The following CYP19A1 variants were observed in gnomAD, a reference collection of about 807,000 sequenced individuals.
The protein encoded by CYP19A1 is aromatase.
Under a neutral mutation model 44.4 loss-of-function variants are expected in CYP19A1, and 32 were observed. The ratio of observed to expected loss-of-function variants is 0.72; its 90% CI spans 0.54 to 0.97. CYP19A1 has a LOEUF of 0.97. Among genes scored for constraint, CYP19A1 ranks in the 50% least tolerant of loss-of-function variants. CYP19A1 has a pLI of 0.00. For missense variants in CYP19A1, 598 were observed against 637.8 expected (o/e 0.94, Z 0.67); for synonymous variants, 212 against 215.6 (o/e 0.98, Z 0.14).
chr15:51,293,527 C>T (rs2140990478), intron 1 of CYP19A1: 1 of 152,440 alleles, frequency 6.6e-6, no homozygotes, highest in South Asian at 2.1e-4. Flanking sequence ...CAAAGAATGC[C>T]TGATACGCTC....
chr15:51,331,800 G>A (rs1422298235), intron 1 of CYP19A1, among the ~76,000 whole-genome samples: 2 of 152,008 alleles, frequency 1.3e-5, no homozygotes, highest in Admixed American at 1.3e-4. Context: ...ATTTTGCTGG[G>A]TATTAACAGA....
intron 1 of CYP19A1, among the ~76,000 whole-genome samples, chr15:51,330,410 T>C (rs1378352940): frequency 6.6e-6 from 1 of 152,168 alleles, no homozygotes; most frequent in African/African-American, 2.4e-5. Context: ...CACATACACC[T>C]GTAAACATGC....
At chr15:51,309,263 T>G (rs760356447) in intron 1 of CYP19A1, among the ~76,000 whole-genome samples, 1 of 152,214 alleles carries the variant, frequency 6.6e-6, no homozygotes, top group African/African-American at 2.4e-5. Context: ...CAAAGACCCT[T>G]GCCAGAACCT....
At chr15:51,328,547 GGT>G (rs56202041) in intron 1 of CYP19A1, among the ~76,000 whole-genome samples, 7,322 of 146,976 alleles carry the variant, frequency 0.05, 184 homozygotes, top group Middle Eastern at 0.067. Flanking sequence ...ACAGGGCAGG[GGT>G]GTGTGTGTGT....
At position 51,208,685 on chromosome 15, in the gene CYP19A1, G is replaced by T. The variant is rs1177348451; in HGVS notation, c.*2123C>A. 6.6e-6 allele frequency: 1 copy of T among 151,988 alleles called. No homozygotes were observed. Among genetic ancestry groups the T allele is most frequent in the East Asian group, 1.9e-4 (1 of 5,186 alleles). 9.4% of individuals were successfully genotyped at this position (151,988 alleles called of 1,614,324 possible). ...CAACTACCCAGGTAATTTGATTCTG[G>T]GAGAGTTTGCTTGGATCGTTCAAAC... On this transcript the variant is annotated 3_prime_UTR_variant, in exon 10 of 10. Transcript: ENST00000396402.
At chr15:51,247,276 G>A (rs895708320) in intron 1 of CYP19A1, among the ~76,000 whole-genome samples, 1 of 151,748 alleles carries the variant, frequency 6.6e-6, no homozygotes, top group African/African-American at 2.4e-5. Flanking sequence ...CCTCTCTTAA[G>A]CTCTTACTTC....
At chr15:51,215,652 C>A (rs1477910904) in intron 7 of CYP19A1, 51 bp downstream of exon 7, 8 of 1,613,610 alleles carry the variant, frequency 5.0e-6, no homozygotes, top group Non-Finnish European at 6.8e-6. Context: ...CACACCTCTA[C>A]ACAGTCATAA....
chr15:51,224,049 CTCTA>C (rs536256882), intron 4 of CYP19A1, among the ~76,000 whole-genome samples: 156 of 152,290 alleles, frequency 1.0e-3, no homozygotes, highest in Non-Finnish European at 1.5e-3. Context: ...AAAGTATTGA[CTCTA>C]TCTAGTGAAA....
At chr15:51,323,422 T>A (rs1400093524) in intron 1 of CYP19A1, among the ~76,000 whole-genome samples, 1 of 151,040 alleles carries the variant, frequency 6.6e-6, no homozygotes, top group Non-Finnish European at 1.5e-5. Context: ...GGATCAATGA[T>A]AAACGGAGAT....
At chr15:51,262,630 C>G (rs1390198396) in intron 1 of CYP19A1, among the ~76,000 whole-genome samples, 1 of 152,186 alleles carries the variant, frequency 6.6e-6, no homozygotes, top group Admixed American at 6.5e-5. Context: ...CCTCACTCCC[C>G]CAGTGCTAGG....
intron 1 of CYP19A1, among the ~76,000 whole-genome samples, chr15:51,332,485 A>G (rs2036717057): frequency 6.6e-6 from 1 of 152,168 alleles, no homozygotes; most frequent in Non-Finnish European, 1.5e-5. Flanking sequence ...TATATTACAC[A>G]TTCCTGAACT....
At chr15:51,219,542 A>G (rs1197718145) in intron 5 of CYP19A1, among the ~76,000 whole-genome samples, 2 of 152,216 alleles carry the variant, frequency 1.3e-5, no homozygotes, top group African/African-American at 2.4e-5. Context: ...AAGCTTGCCC[A>G]AAACCATACA....
intron 1 of CYP19A1, among the ~76,000 whole-genome samples, chr15:51,281,291 GA>G (rs1416736942): frequency 6.6e-6 from 1 of 152,232 alleles, no homozygotes; most frequent in East Asian, 1.9e-4. Flanking sequence ...GGCCTGAAGA[GA>G]AACATGACTG....
chr15:51,212,545 CT>C lies in CYP19A1; in HGVS notation c.1037del (p.Lys346ArgfsTer8). On this transcript the variant is annotated frameshift_variant, in exon 9 of 10. Transcript: ENST00000396402. LOFTEE classifies it high-confidence loss of function. ...IQTVIGERDIKIDDIQKLKVM... is the reference protein window; with the variant it reads ...IQTVIGERDIXIDDIQKLKVM... ...CTTTTAATTTTTGTATATCATCAAT[CT>C]TTATGTCTCTCTCACCTGTGGAAAC... is the stretch of plus-strand genomic sequence containing the variant. The C allele has an allele frequency of 6.7e-7, 1 of 1,484,404 alleles. No individual in the cohort carries two copies. Among genetic ancestry groups the C allele is most frequent in the Non-Finnish European group, 9.4e-7 (1 of 1,061,592 alleles). 92.0% of individuals were successfully genotyped at this position (1,484,404 alleles called of 1,614,324 possible). A position where few individuals can be genotyped will look rare whatever the true frequency, so the allele number is the denominator to read the frequency against.
chr15:51,236,756 G>A (rs1463071166), intron 3 of CYP19A1, 103 bp downstream of exon 3: 1 of 1,367,038 alleles, frequency 7.3e-7, no homozygotes, highest in Non-Finnish European at 1.0e-6. Context: ...TAAAAATATA[G>A]CGTTAGAAAC....
At chr15:51,325,541 G>A (rs1421048783) in intron 1 of CYP19A1, among the ~76,000 whole-genome samples, 1 of 152,074 alleles carries the variant, frequency 6.6e-6, no homozygotes, top group East Asian at 1.9e-4. Context: ...TGGAAATATT[G>A]AAAAGTTGAA....
intron 1 of CYP19A1, among the ~76,000 whole-genome samples, chr15:51,250,254 T>C (rs1227430183): frequency 6.6e-6 from 1 of 152,218 alleles, no homozygotes; most frequent in Non-Finnish European, 1.5e-5. Context: ...CTCTTGGGCA[T>C]CCATCAGGCA....
chr15:51,231,380 G>A (rs1167068160), intron 3 of CYP19A1, among the ~76,000 whole-genome samples: 1 of 152,028 alleles, frequency 6.6e-6, no homozygotes, highest in African/African-American at 2.4e-5. Flanking sequence ...AGTGTGGCAG[G>A]GGGACGGCTC....
rs557076504 is a variant in CYP19A1, at chr15:51,212,990, A to G, written c.1022-429T>C. Reference sequence around the variant, plus strand: ...TGAAATCTTTGAGTTTTTGTTCCCTACTCTAAATTGTAGGGGACATTCATT... The same window carrying G: ...TGAAATCTTTGAGTTTTTGTTCCCTGCTCTAAATTGTAGGGGACATTCATT... On this transcript the variant is annotated intron_variant, in intron 8 of 9. Coordinates refer to ENST00000396402, the MANE Select transcript of CYP19A1 (RefSeq NM_000103.4). 7.9e-5 allele frequency among the ~76,000 whole-genome samples: 12 copies of G among 152,102 alleles called. No individual in the cohort carries two copies. In the East Asian group the frequency reaches 1.9e-3, roughly 24 times the overall value.
Sources: allele counts gnomAD v4.1 joint callset (sites outside exome capture counted in the v4.1 genomes callset), GRCh38; gene constraint gnomAD v4.1.1; transcripts MANE v1.5; gene names NCBI Gene and HGNC (gene_info 2026-07-23, HGNC 2026-07-21).